The following SNRPN variants were observed in gnomAD, a reference collection of about 807,000 sequenced individuals.
SNRPN encodes the protein small nuclear ribonucleoprotein-associated protein N.
Under a neutral mutation model 25.2 loss-of-function variants are expected in SNRPN, and 7 were observed. That is an observed-to-expected ratio of 0.28 (90% confidence interval 0.16 to 0.52). SNRPN has a LOEUF of 0.52. Ranked by LOEUF, SNRPN falls within the 20% of genes least tolerant of loss-of-function variation. SNRPN has a pLI of 0.96. For synonymous variants in SNRPN, 124 were observed against 110.6 expected (o/e 1.12, Z -0.76); for missense variants, 196 against 322.5 (o/e 0.61, Z 3.00).
intron 1 of SNRPN, among the ~76,000 whole-genome samples, chr15:24,885,991 A>G (rs1189050823): frequency 6.6e-6 from 1 of 152,170 alleles, no homozygotes; most frequent in Non-Finnish European, 1.5e-5. Context: ...TTCTCAGTAC[A>G]TAGCCTCACT....
At chr15:24,856,313 C>A (rs2053378327), upstream of SNRPN, among the ~76,000 whole-genome samples, 1 of 152,144 alleles carries the variant, frequency 6.6e-6, no homozygotes. Flanking sequence ...AGACAACCCC[C>A]ACAACATCAT....
intron 3 of SNRPN, among the ~76,000 whole-genome samples, chr15:24,938,067 A>C (rs1016095974): frequency 6.6e-6 from 1 of 150,726 alleles, no homozygotes; most frequent in South Asian, 2.1e-4. Flanking sequence ...TAATGCTGCT[A>C]TGAACATGGG....
rs931375396 is a variant in SNRPN at position 24,961,969 on chromosome 15, T to A, written c.-390-145T>A. 7 of 792,882 alleles carry A rather than the reference T, an allele frequency of 8.8e-6. No homozygotes were observed. The East Asian group carries it at 1.9e-4, about 21-fold the overall frequency. The allele number at this position is 792,882 out of a possible 1,614,324, so 49.1% of individuals were successfully genotyped here. ...GCATAGATTATGACTGTTTGAAGGT[T>A]AAAGATCTTGTAATAATTTTACCTT... On this transcript the variant is annotated intron_variant, in intron 1 of 9. Coordinates refer to ENST00000390687, the MANE Select transcript of SNRPN (RefSeq NM_003097.6).
At chr15:24,873,996 A>G (rs1595602833) in intron 1 of SNRPN, among the ~76,000 whole-genome samples, 2 of 144,204 alleles carry the variant, frequency 1.4e-5, no homozygotes, top group Admixed American at 7.1e-5. Flanking sequence ...AAACAAACTC[A>G]CTTAAATATT....
At chr15:24,920,768 A>G (rs2059980538) in intron 3 of SNRPN, among the ~76,000 whole-genome samples, 1 of 151,452 alleles carries the variant, frequency 6.6e-6, no homozygotes, top group African/African-American at 2.4e-5. Context: ...TCACATGTTA[A>G]CAATTCTTCC....
rs114192720 is a variant in SNRPN at position 24,888,079 on chromosome 15, C to T, written c.-505+1490C>T. Among the ~76,000 whole-genome samples, 692 of 150,952 alleles carry T rather than the reference C, an allele frequency of 4.6e-3. 5 individuals are homozygous for T. The highest frequency in any genetic ancestry group is 0.031 in the Middle Eastern group (9 of 286). The stretch of plus-strand genomic sequence containing the variant: ...AAATTTTAGGTTACATATATTTTAC[C>T]GTAATATAAAATGACAAATATATTA... On this transcript the variant is annotated intron_variant, in intron 2 of 11. Transcript: ENST00000400097.
In SNRPN at chr15:24,910,855, T is replaced by G. The variant is rs2059169210; in HGVS notation, c.-504-9156T>G. The G allele has an allele frequency of 6.8e-6, 4 of 584,078 alleles. No individual in the cohort carries two copies. In the Admixed American group the frequency reaches 1.1e-4, roughly 16 times the overall value. 36.2% of individuals were successfully genotyped at this position (584,078 alleles called of 1,614,324 possible). On this transcript the variant is annotated intron_variant, in intron 2 of 11. Transcript: ENST00000400097. The stretch of plus-strand genomic sequence containing the variant: ...TTATTGAGATGGTTTCCCACTCATC[T>G]TGATTCAGGGTGCTTTTAGTGCTGC...
chr15:24,904,572 A>G (rs1595813048), intron 2 of SNRPN, among the ~76,000 whole-genome samples: 1 of 151,876 alleles, frequency 6.6e-6, no homozygotes, highest in Admixed American at 6.6e-5. Context: ...GGAGAATCGC[A>G]TGAACCCGGG....
chr15:24,954,896 C>G, upstream of SNRPN: 1 of 1,139,426 alleles, frequency 8.8e-7, no homozygotes. Context: ...CTGCGGCAAA[C>G]AAGCACGCCT....
At chr15:24,863,205 C>T (rs1007232849) in intron 1 of SNRPN, among the ~76,000 whole-genome samples, 1 of 150,776 alleles carries the variant, frequency 6.6e-6, no homozygotes, top group Non-Finnish European at 1.5e-5. Flanking sequence ...GTTTCTGTCC[C>T]CTCAGCCATT....
At position 24,919,316 on chromosome 15, in the gene SNRPN, AGCTAC is replaced by A; in HGVS notation, c.-504-694_-504-690del. Among the ~76,000 whole-genome samples the A allele has an allele frequency of 4.0e-5, 6 of 151,654 alleles. 1 individual carries two copies. Among genetic ancestry groups the A allele is most frequent in the Admixed American group, 4.0e-4 (6 of 15,174 alleles). On this transcript the variant is annotated intron_variant, in intron 2 of 11. Coordinates refer to the SNRPN transcript ENST00000400097. ...CGTCGTGGCGGGCACCTGTAGTCCC[AGCTAC>A]TCGGGAGGCTGAGGCAGGAGAATGG...
chr15:24,918,642 A>G (rs1419849297), intron 2 of SNRPN, among the ~76,000 whole-genome samples: 1 of 111,646 alleles, frequency 9.0e-6, no homozygotes, highest in Non-Finnish European at 1.7e-5. Flanking sequence ...AACATAATAT[A>G]TATGTGTGCA....
At chr15:24,948,213 G>A (rs1210933) in intron 3 of SNRPN, among the ~76,000 whole-genome samples, 1 of 151,966 alleles carries the variant, frequency 6.6e-6, no homozygotes, top group Non-Finnish European at 1.5e-5. Flanking sequence ...TCCCAGGTTC[G>A]AGTGATTCTC....
chr15:24,958,486 G>GTTTTTTTTTTTTT (rs71127030), intron 1 of SNRPN, among the ~76,000 whole-genome samples: 2 of 65,284 alleles, frequency 3.1e-5, no homozygotes, highest in Non-Finnish European at 5.4e-5. Context: ...CTGGCTCAAA[G>GTTTTTTTTTTTTT]TTTTTTTTTT....
intron 1 of SNRPN, among the ~76,000 whole-genome samples, chr15:24,882,163 A>C (rs2056757591): frequency 6.6e-6 from 1 of 152,196 alleles, no homozygotes; most frequent in Non-Finnish European, 1.5e-5. Flanking sequence ...TAAATATTAA[A>C]TACAAAAGTC....
intron 2 of SNRPN, among the ~76,000 whole-genome samples, chr15:24,894,483 T>A (rs539658433): frequency 6.6e-6 from 1 of 152,150 alleles, no homozygotes; most frequent in African/African-American, 2.4e-5. Flanking sequence ...CCTCCCAAAG[T>A]GCTGGGATTA....
At chr15:24,933,592 T>A (rs1461359711) in intron 3 of SNRPN, among the ~76,000 whole-genome samples, 1 of 151,620 alleles carries the variant, frequency 6.6e-6, no homozygotes, top group African/African-American at 2.4e-5. Flanking sequence ...AGGCTGGACA[T>A]CATGATGAAA....
intron 1 of SNRPN, among the ~76,000 whole-genome samples, chr15:24,881,849 T>A (rs1350667399): frequency 6.6e-6 from 1 of 152,188 alleles, no homozygotes; most frequent in Non-Finnish European, 1.5e-5. Flanking sequence ...TGTATAATCG[T>A]CAAGTCTTCT....
intron 3 of SNRPN, among the ~76,000 whole-genome samples, chr15:24,926,502 C>T (rs1226743146): frequency 6.6e-6 from 1 of 152,092 alleles, no homozygotes; most frequent in African/African-American, 2.4e-5. Flanking sequence ...GCTTGTATCC[C>T]TGCTTCTTCA....
Sources: allele counts gnomAD v4.1 joint callset (sites outside exome capture counted in the v4.1 genomes callset), GRCh38; gene constraint gnomAD v4.1.1; transcripts MANE v1.5; gene names NCBI Gene and HGNC (gene_info 2026-07-23, HGNC 2026-07-21).